The following SHANK2 variants were observed in gnomAD, a reference collection of about 807,000 sequenced individuals.
SHANK2 encodes the protein SH3 and multiple ankyrin repeat domains protein 2.
Under a neutral mutation model 133.7 loss-of-function variants are expected in SHANK2, and 43 were observed. The ratio of observed to expected loss-of-function variants is 0.32; its 90% CI spans 0.25 to 0.41. SHANK2 has a LOEUF of 0.41. Ranked by LOEUF, SHANK2 falls within the 10% of genes least tolerant of loss-of-function variation. SHANK2 has a pLI of 1.00. For missense variants in SHANK2, 1,994 were observed against 2,235.8 expected (o/e 0.89, Z 2.18); for synonymous variants, 1,017 against 952.8 (o/e 1.07, Z -1.24).
intron 25 of SHANK2, among the ~76,000 whole-genome samples, chr11:70,482,054 C>G (rs1465356407): frequency 6.6e-6 from 1 of 152,210 alleles, no homozygotes; most frequent in Non-Finnish European, 1.5e-5. Flanking sequence ...GGCTTTGTCC[C>G]AAGTGCTCAG....
intron 10 of SHANK2, among the ~76,000 whole-genome samples, chr11:70,940,237 C>CTT (rs1555084170): frequency 8.7e-6 from 1 of 114,816 alleles, no homozygotes; most frequent in South Asian, 3.4e-4. Flanking sequence ...CTCCCTTCTT[C>CTT]TCTCTCTCTC....
chr11:71,066,122 G>T (rs1248352263), intron 9 of SHANK2, among the ~76,000 whole-genome samples: 43 of 10,342 alleles, frequency 4.2e-3, no homozygotes, highest in South Asian at 9.2e-3. Context: ...CTCCCAGGGA[G>T]ATGAGCAGTG....
At chr11:71,142,272 G>A (rs1288041720) in intron 3 of SHANK2, among the ~76,000 whole-genome samples, 7 of 151,756 alleles carry the variant, frequency 4.6e-5, no homozygotes, top group South Asian at 2.1e-4. Flanking sequence ...AGGCCGAGAC[G>A]GGCAGATCAC....
intron 15 of SHANK2, among the ~76,000 whole-genome samples, chr11:70,665,111 C>A (rs1591724577): frequency 6.6e-6 from 1 of 152,278 alleles, no homozygotes; most frequent in Admixed American, 6.5e-5. Flanking sequence ...GGGCTAAAAC[C>A]TTTTCAGTGA....
intron 10 of SHANK2, among the ~76,000 whole-genome samples, chr11:70,928,484 GA>G (rs1300471431): frequency 6.6e-6 from 1 of 152,196 alleles, no homozygotes; most frequent in African/African-American, 2.4e-5. Flanking sequence ...CTCACCCCCA[GA>G]AGATGCAGCA....
rs557903425 is a variant in SHANK2 at position 71,175,812 on chromosome 11, G to T, written c.-12-28474C>A. Among the ~76,000 whole-genome samples the T allele has an allele frequency of 2.0e-3, 306 of 152,294 alleles. 5 individuals are homozygous for T. In the Middle Eastern group the frequency reaches 0.02, roughly 10 times the overall value. ...ACTCCCAGCTTTCTGCCTCCTCAGG[G>T]TTTCCAGACCATGCTGCAAGCAAGG... is the stretch of plus-strand genomic sequence containing the variant. On this transcript the variant is annotated intron_variant, in intron 2 of 25. Transcript: ENST00000601538. The surrounding 1 kb of genome is among the most constrained non-coding windows in gnomAD (Gnocchi z 4.2).
At chr11:70,886,851 G>A (rs532101579) in intron 11 of SHANK2, among the ~76,000 whole-genome samples, 81 of 151,946 alleles carry the variant, frequency 5.3e-4, no homozygotes, top group Admixed American at 3.8e-3. Context: ...GTATTCCTTC[G>A]TCGGCTAATC....
intron 11 of SHANK2, among the ~76,000 whole-genome samples, chr11:70,837,301 A>C (rs970521788): frequency 1.3e-5 from 2 of 151,536 alleles, no homozygotes; most frequent in Non-Finnish European, 2.9e-5. Flanking sequence ...ATGCTCCCTC[A>C]CCCACACGGG....
At chr11:70,493,996 G>A (rs1240687319) in intron 21 of SHANK2, among the ~76,000 whole-genome samples, 4 of 152,192 alleles carry the variant, frequency 2.6e-5, no homozygotes, top group South Asian at 2.1e-4. Flanking sequence ...GCTGACCCAC[G>A]GGCAAAGCTC....
rs931463611 is a variant in SHANK2, at chr11:71,062,518, G to C, written c.1030-5960C>G. On this transcript the variant is annotated intron_variant, in intron 9 of 25. Transcript: ENST00000601538. ...CCCTGGGGGTCTTGCTCACCCATTT[G>C]CTCTGGGCTGTAACTGCACCCTGGC... Among the ~76,000 whole-genome samples, 28 of 152,234 alleles carry C rather than the reference G, an allele frequency of 1.8e-4. No homozygotes were observed. The East Asian group carries it at 4.7e-3, about 25-fold the overall frequency.
At chr11:70,502,752 C>CCCCCT in intron 18 of SHANK2, 44 bp downstream of exon 18, 6 of 1,345,260 alleles carry the variant, frequency 4.5e-6, no homozygotes, top group South Asian at 2.7e-5. Flanking sequence ...CCCCCCCCCC[C>CCCCCT]CAGTAGGGCC....
At chr11:70,584,607 A>G (rs557540502) in intron 17 of SHANK2, among the ~76,000 whole-genome samples, 9 of 151,922 alleles carry the variant, frequency 5.9e-5, no homozygotes, top group Non-Finnish European at 1.0e-4. Flanking sequence ...CGCTAAACCC[A>G]CTTACACTGC....
At chr11:70,890,676 G>A (rs1381672375) in intron 11 of SHANK2, among the ~76,000 whole-genome samples, 4 of 151,858 alleles carry the variant, frequency 2.6e-5, no homozygotes, top group Non-Finnish European at 5.9e-5. Flanking sequence ...GCGCGTGCCT[G>A]TAATCCTACC....
At chr11:71,232,071 C>A (rs537343392) in intron 1 of SHANK2, among the ~76,000 whole-genome samples, 1 of 152,214 alleles carries the variant, frequency 6.6e-6, no homozygotes, top group Non-Finnish European at 1.5e-5. Flanking sequence ...TACACAAGAC[C>A]TGGGTGACTC....
At chr11:70,667,735 C>G (rs895610710) in intron 15 of SHANK2, 1 of 152,382 alleles carries the variant, frequency 6.6e-6, no homozygotes, top group African/African-American at 2.4e-5. Context: ...GAAGCCAGGC[C>G]TGAGCTGGCC....
At chr11:70,601,066 T>TATCTATATCTATATCTAC (rs1182435902) in intron 17 of SHANK2, among the ~76,000 whole-genome samples, 3 of 142,534 alleles carry the variant, frequency 2.1e-5, no homozygotes, top group African/African-American at 7.7e-5. Flanking sequence ...TCTATATCTA[T>TATCTATATCTATATCTAC]ATTTGAGATG....
intron 14 of SHANK2, among the ~76,000 whole-genome samples, chr11:70,759,304 G>A (rs1299753234): frequency 6.6e-6 from 1 of 151,862 alleles, no homozygotes; most frequent in Admixed American, 6.6e-5. Context: ...GAGCAGCCTG[G>A]CCAAACCCCG....
At chr11:70,905,003 C>T (rs987881817) in intron 10 of SHANK2, among the ~76,000 whole-genome samples, 10 of 152,110 alleles carry the variant, frequency 6.6e-5, no homozygotes, top group African/African-American at 1.9e-4. Context: ...TGAAAATGGA[C>T]TAATACAGTG....
chr11:71,166,200 G>A (rs536102740), intron 2 of SHANK2, among the ~76,000 whole-genome samples: 11 of 152,268 alleles, frequency 7.2e-5, no homozygotes, highest in African/African-American at 2.6e-4. Context: ...GGGTCACCTC[G>A]CTTCACCCTC....
Sources: allele counts gnomAD v4.1 joint callset (sites outside exome capture counted in the v4.1 genomes callset), GRCh38; gene constraint gnomAD v4.1.1; non-coding constraint Gnocchi (gnomAD v3.1); transcripts MANE v1.5; gene names NCBI Gene and HGNC (gene_info 2026-07-23, HGNC 2026-07-21).